The following UNC79 variants were observed in gnomAD, a reference collection of about 807,000 sequenced individuals.
UNC79 encodes protein unc-79 homolog.
A neutral mutation model predicts 283.1 loss-of-function variants in UNC79; 37 were observed. The ratio of observed to expected loss-of-function variants is 0.13; its 90% confidence interval spans 0.10 to 0.17. The LOEUF (loss-of-function observed/expected upper bound fraction) is 0.17. UNC79 is among the 10% of genes least tolerant of loss of function. UNC79 has a pLI of 1.00. For missense variants in UNC79, 2,272 were observed against 3,211.1 expected (o/e 0.71, Z 7.07); for synonymous variants, 1,107 against 1,200.2 (o/e 0.92, Z 1.61).
chr14:93,450,830 G>C (rs2056613583), intron 1 of UNC79, among the ~76,000 whole-genome samples: 1 of 152,100 alleles, frequency 6.6e-6, no homozygotes, highest in Non-Finnish European at 1.5e-5. Flanking sequence ...GTTCTTAACT[G>C]ATTTTGTTAA....
At chr14:93,357,182 C>G (rs1273583727) in intron 1 of UNC79, among the ~76,000 whole-genome samples, 1 of 152,168 alleles carries the variant, frequency 6.6e-6, no homozygotes, top group East Asian at 1.9e-4. Flanking sequence ...CCAGCTCTAT[C>G]CATGTTAGTG....
chr14:93,433,309 A>ATGAAGGTAAT (rs2055948820), intron 1 of UNC79, among the ~76,000 whole-genome samples: 1 of 152,216 alleles, frequency 6.6e-6, no homozygotes, highest in African/African-American at 2.4e-5. Context: ...TGTATTTAGA[A>ATGAAGGTAAT]TGAAGGTAAT....
intron 26 of UNC79, among the ~76,000 whole-genome samples, chr14:93,605,873 C>T (rs111940461): frequency 0.017 from 2,599 of 152,232 alleles, 73 homozygotes; most frequent in African/African-American, 0.059. Flanking sequence ...AAAGTCTTTT[C>T]TCTTTTAAAA....
chr14:93,519,824 C>T (rs1281295319), intron 7 of UNC79, among the ~76,000 whole-genome samples: 1 of 151,564 alleles, frequency 6.6e-6, no homozygotes, highest in Non-Finnish European at 1.5e-5. Context: ...TTTAATTTTA[C>T]CCCTCCTATC....
intron 13 of UNC79, 63 bp downstream of exon 13, chr14:93,540,894 A>G: frequency 6.3e-7 from 1 of 1,599,312 alleles, no homozygotes; most frequent in Non-Finnish European, 8.5e-7. Flanking sequence ...TGTACTGAAG[A>G]GGAATTTCTC....
chr14:93,645,846 G>A (rs574374188), intron 34 of UNC79, among the ~76,000 whole-genome samples: 1 of 152,104 alleles, frequency 6.6e-6, no homozygotes, highest in Non-Finnish European at 1.5e-5. Context: ...AATGGTGTCT[G>A]GTGTTAGTGG....
intron 1 of UNC79, among the ~76,000 whole-genome samples, chr14:93,454,015 T>C (rs1299102409): frequency 1.3e-5 from 2 of 151,856 alleles, no homozygotes; most frequent in East Asian, 3.9e-4. Flanking sequence ...CTCTGGGACA[T>C]GTGAAGCATT....
chr14:93,634,070 G>A (rs7147071), intron 31 of UNC79, among the ~76,000 whole-genome samples: 10 of 151,822 alleles, frequency 6.6e-5, no homozygotes, highest in African/African-American at 1.9e-4. Flanking sequence ...AAATATACAC[G>A]CACACACACA....
intron 1 of UNC79, among the ~76,000 whole-genome samples, chr14:93,335,443 G>A (rs753182522): frequency 6.6e-6 from 1 of 152,222 alleles, no homozygotes; most frequent in African/African-American, 2.4e-5. Flanking sequence ...TGTACTTAAG[G>A]AGCTTAGAAT....
exon 18 of UNC79, chr14:93,577,923 C>T (rs779928359): frequency 8.0e-5 from 129 of 1,614,038 alleles, no homozygotes; most frequent in Non-Finnish European, 9.2e-5. Flanking sequence ...GAGTCCGTTT[C>T]GGAGTCCTTT....
At chr14:93,700,665 C>T (rs1387290915) in intron 47 of UNC79, among the ~76,000 whole-genome samples, 1 of 152,146 alleles carries the variant, frequency 6.6e-6, no homozygotes, top group East Asian at 1.9e-4. Context: ...AGTTACATAA[C>T]TTACAAATAT....
At chr14:93,540,366 G>A (rs1383098389) in intron 12 of UNC79, among the ~76,000 whole-genome samples, 4 of 152,190 alleles carry the variant, frequency 2.6e-5, no homozygotes, top group Admixed American at 2.0e-4. Context: ...TGAACCAGAA[G>A]TCAGAAAGGA....
At chr14:93,465,996 AAC>A (rs1169339763) in intron 1 of UNC79, among the ~76,000 whole-genome samples, 1 of 152,230 alleles carries the variant, frequency 6.6e-6, no homozygotes, top group Non-Finnish European at 1.5e-5. Context: ...GCAGATCAAA[AAC>A]ACTGAGAAGG....
At chr14:93,395,472 GGAAAT>G (rs2054975687) in intron 1 of UNC79, among the ~76,000 whole-genome samples, 1 of 152,078 alleles carries the variant, frequency 6.6e-6, no homozygotes, top group Non-Finnish European at 1.5e-5. Context: ...GAGCAAAGAG[GGAAAT>G]GTTACATGCC....
chr14:93,504,676 T>A (rs2059445718), intron 7 of UNC79, among the ~76,000 whole-genome samples: 1 of 152,048 alleles, frequency 6.6e-6, no homozygotes, highest in Non-Finnish European at 1.5e-5. Context: ...GTAGATGCAA[T>A]TAATTTTTAG....
chr14:93,372,763 T>TA (rs1457115493), intron 1 of UNC79, among the ~76,000 whole-genome samples: 2 of 152,090 alleles, frequency 1.3e-5, no homozygotes, highest in African/African-American at 4.8e-5. Flanking sequence ...ATCCAGCAGG[T>TA]AAAAAATCAG....
chr14:93,483,032 G>C (rs1595589594), intron 4 of UNC79, among the ~76,000 whole-genome samples: 1 of 152,080 alleles, frequency 6.6e-6, no homozygotes, highest in Non-Finnish European at 1.5e-5. Context: ...TTTCACAAAG[G>C]CACCACACTT....
chr14:93,546,358 C>A (rs931176113), intron 14 of UNC79, among the ~76,000 whole-genome samples: 1 of 152,196 alleles, frequency 6.6e-6, no homozygotes, highest in Non-Finnish European at 1.5e-5. Flanking sequence ...TTGGCTAGAT[C>A]CGATCTCCTC....
chr14:93,443,112 T>A (rs2056356563), intron 1 of UNC79, among the ~76,000 whole-genome samples: 1 of 151,926 alleles, frequency 6.6e-6, no homozygotes, highest in African/African-American at 2.4e-5. Flanking sequence ...TAGTCCCAGC[T>A]ACTCAGGAGG....
Sources: allele counts gnomAD v4.1 joint callset (sites outside exome capture counted in the v4.1 genomes callset), GRCh38; gene constraint gnomAD v4.1.1; transcripts MANE v1.5; gene names NCBI Gene and HGNC (gene_info 2026-07-23, HGNC 2026-07-21).